The following ANXA8 variants were observed in gnomAD, a reference collection of about 807,000 sequenced individuals.
ANXA8 encodes annexin A8.
Under a neutral mutation model 26.8 loss-of-function variants are expected in ANXA8, and 9 were observed. That is an observed-to-expected ratio of 0.34 (90% CI 0.20 to 0.59). The LOEUF (loss-of-function observed/expected upper bound fraction) is 0.59. ANXA8 is among the 20% of genes least tolerant of loss of function. ANXA8 has a pLI of 0.84. For synonymous variants in ANXA8, 39 were observed against 94.8 expected (o/e 0.41, Z 3.42); for missense variants, 83 against 238.5 (o/e 0.35, Z 4.29).
At chr10:47,979,223 A>G in the ANXA8 span, among the ~76,000 whole-genome samples, 4 of 151,936 alleles carry the variant, frequency 2.6e-5, 1 homozygote, top group African/African-American at 4.8e-5. Context: ...TATAGTTGGA[A>G]ACATCATTAC....
chr10:47,756,768 C>T, the ANXA8 span, among the ~76,000 whole-genome samples: 14 of 150,686 alleles, frequency 9.3e-5, no homozygotes, highest in African/African-American at 2.7e-4. Context: ...TCCCCTTCTG[C>T]AGCTCCTGTA....
chr10:47,494,992 G>A, the ANXA8 span, among the ~76,000 whole-genome samples: 1 of 151,580 alleles, frequency 6.6e-6, no homozygotes, highest in Non-Finnish European at 1.5e-5. Context: ...ATCAGGAGCT[G>A]CAGCCATCAG....
At chr10:47,481,927 T>A in intron 1 of ANXA8, among the ~76,000 whole-genome samples, 1 of 143,744 alleles carries the variant, frequency 7.0e-6, no homozygotes, top group South Asian at 2.3e-4. Flanking sequence ...CATCTATTAA[T>A]ATAACTTGTT....
chr10:47,686,192 C>A, the ANXA8 span, among the ~76,000 whole-genome samples: 1 of 150,794 alleles, frequency 6.6e-6, no homozygotes, highest in South Asian at 2.1e-4. Context: ...GAGATGCTGT[C>A]CCTTCCTTTT....
chr10:47,613,902 T>C, the ANXA8 span, among the ~76,000 whole-genome samples: 2 of 73,608 alleles, frequency 2.7e-5, 1 homozygote, highest in African/African-American at 7.9e-5. Flanking sequence ...CTCATCCACC[T>C]CTCCCATTCT....
chr10:47,612,126 G>C, the ANXA8 span, among the ~76,000 whole-genome samples: 23 of 69,448 alleles, frequency 3.3e-4, 8 homozygotes, highest in East Asian at 5.9e-3. Flanking sequence ...AAGAGGTAGA[G>C]AGAAGGGCTG....
chr10:47,557,510 T>G, the ANXA8 span, among the ~76,000 whole-genome samples: 1 of 149,530 alleles, frequency 6.7e-6, no homozygotes, highest in African/African-American at 2.5e-5. Flanking sequence ...TACATTAATA[T>G]TAAGTGAAAA....
the ANXA8 span, among the ~76,000 whole-genome samples, chr10:47,557,805 G>A: frequency 6.7e-6 from 1 of 150,362 alleles, no homozygotes; most frequent in Non-Finnish European, 1.5e-5. Flanking sequence ...TCTAGCTGGA[G>A]GCTTTTGTGT....
chr10:47,702,791 G>A, the ANXA8 span, among the ~76,000 whole-genome samples: 14 of 151,574 alleles, frequency 9.2e-5, 2 homozygotes, highest in East Asian at 2.1e-3. Flanking sequence ...GCACTACCAC[G>A]CCTGGCTAAT....
chr10:47,746,665 T>A, the ANXA8 span, among the ~76,000 whole-genome samples: 2 of 130,272 alleles, frequency 1.5e-5, no homozygotes, highest in African/African-American at 2.8e-5. Flanking sequence ...GCAACAAGAG[T>A]GAAACCCTAA....
At chr10:47,975,307 G>T in the ANXA8 span, among the ~76,000 whole-genome samples, 1 of 149,246 alleles carries the variant, frequency 6.7e-6, no homozygotes, top group African/African-American at 2.4e-5. Context: ...GTTATCAATG[G>T]CTGCAGGAGG....
chr10:47,648,000 G>C, the ANXA8 span, among the ~76,000 whole-genome samples: 1 of 151,894 alleles, frequency 6.6e-6, no homozygotes. Context: ...TGTAAACTCA[G>C]AGTAAAAGCC....
the ANXA8 span, among the ~76,000 whole-genome samples, chr10:47,665,489 G>C: frequency 6.6e-6 from 1 of 150,966 alleles, no homozygotes; most frequent in African/African-American, 2.5e-5. Flanking sequence ...GAAACAGTAT[G>C]GTTTGAACAG....
chr10:47,990,930 GC>G, the ANXA8 span, among the ~76,000 whole-genome samples: 1 of 150,820 alleles, frequency 6.6e-6, no homozygotes, highest in Non-Finnish European at 1.5e-5. Context: ...CTGGGCATGG[GC>G]TGCCCTGAGC....
chr10:47,640,031 A>G, the ANXA8 span, among the ~76,000 whole-genome samples: 2 of 141,434 alleles, frequency 1.4e-5, no homozygotes, highest in African/African-American at 2.8e-5. Flanking sequence ...GGTTCACACC[A>G]TCCTCCTCCC....
At chr10:47,594,130 C>T in the ANXA8 span, among the ~76,000 whole-genome samples, 7 of 149,126 alleles carry the variant, frequency 4.7e-5, no homozygotes, top group Non-Finnish European at 7.4e-5. Flanking sequence ...GGACTGGCTT[C>T]CCTGCTCCTC....
At chr10:47,517,206 C>A in the ANXA8 span, among the ~76,000 whole-genome samples, 1 of 89,548 alleles carries the variant, frequency 1.1e-5, no homozygotes, top group African/African-American at 5.2e-5. Context: ...ACAGTGCTGG[C>A]AATTAACTTA....
the ANXA8 span, among the ~76,000 whole-genome samples, chr10:47,777,050 T>C: frequency 4.6e-5 from 7 of 152,106 alleles, no homozygotes; most frequent in African/African-American, 1.7e-4. Flanking sequence ...TGGCCAAATA[T>C]AGCTTCTAGG....
At chr10:47,724,268 C>T in the ANXA8 span, among the ~76,000 whole-genome samples, 22 of 135,818 alleles carry the variant, frequency 1.6e-4, no homozygotes, top group African/African-American at 4.2e-4. Context: ...CTACCTATTG[C>T]GCAAACCAGC....
Sources: allele counts gnomAD v4.1 joint callset (sites outside exome capture counted in the v4.1 genomes callset), GRCh38; gene constraint gnomAD v4.1.1; transcripts MANE v1.5; gene names NCBI Gene and HGNC (gene_info 2026-07-23, HGNC 2026-07-21).